The following RB1CC1 variants were observed in gnomAD, a reference collection of about 807,000 sequenced individuals.
RB1CC1 encodes RB1 inducible coiled-coil 1.
RB1CC1 carries 46 observed loss-of-function variants against 177.5 expected under a neutral mutation model. That is an observed-to-expected ratio of 0.26 (90% CI 0.20 to 0.33). RB1CC1 has a LOEUF of 0.33. RB1CC1 is among the 10% of genes least tolerant of loss of function. The pLI is 1.00. For missense variants in RB1CC1, 1,703 were observed against 1,816.3 expected (o/e 0.94, Z 1.13); for synonymous variants, 666 against 613.6 (o/e 1.09, Z -1.26).
chr8:52,681,914 G>A (rs1853775973), intron 5 of RB1CC1, among the ~76,000 whole-genome samples: 1 of 152,246 alleles, frequency 6.6e-6, no homozygotes, highest in South Asian at 2.1e-4. Flanking sequence ...TGTTAGGGCA[G>A]TGTAGAAGGA....
chr8:52,703,753 T>C (rs1408529204), intron 1 of RB1CC1, among the ~76,000 whole-genome samples: 4 of 152,204 alleles, frequency 2.6e-5, no homozygotes, highest in African/African-American at 9.7e-5. Context: ...TCGCCCAAGC[T>C]GTATTGCAAA....
intron 15 of RB1CC1, among the ~76,000 whole-genome samples, chr8:52,647,709 A>C (rs1448132120): frequency 6.6e-6 from 1 of 152,294 alleles, no homozygotes; most frequent in East Asian, 1.9e-4. Context: ...AAATCAAGAG[A>C]GCACTGAGGT....
intron 12 of RB1CC1, among the ~76,000 whole-genome samples, chr8:52,660,335 C>G (rs1039402326): frequency 6.6e-6 from 1 of 152,030 alleles, no homozygotes; most frequent in African/African-American, 2.4e-5. Context: ...ACAAAAAAAC[C>G]AAGTGAATCT....
At chr8:52,628,818 T>G (rs1848566058) in intron 21 of RB1CC1, among the ~76,000 whole-genome samples, 1 of 152,228 alleles carries the variant, frequency 6.6e-6, no homozygotes, top group Non-Finnish European at 1.5e-5. Context: ...CAATCTCATA[T>G]TTTTCAGTTG....
intron 16 of RB1CC1, among the ~76,000 whole-genome samples, chr8:52,643,409 A>G (rs1250752508): frequency 6.6e-6 from 1 of 152,186 alleles, no homozygotes; most frequent in African/African-American, 2.4e-5. Flanking sequence ...CTGTATAAAA[A>G]TTTTGCTTAG....
chr8:52,710,354 G>A (rs974902211), intron 1 of RB1CC1, among the ~76,000 whole-genome samples: 3 of 152,150 alleles, frequency 2.0e-5, no homozygotes, highest in Non-Finnish European at 2.9e-5. Flanking sequence ...CATTTAGAAA[G>A]GTAGTGCCCA....
At chr8:52,689,126 A>T (rs1383315060) in intron 1 of RB1CC1, among the ~76,000 whole-genome samples, 1 of 152,124 alleles carries the variant, frequency 6.6e-6, no homozygotes, top group Non-Finnish European at 1.5e-5. Flanking sequence ...CAACAAATCC[A>T]AATCAATCTC....
At chr8:52,679,687 T>C (rs1853515500) in intron 5 of RB1CC1, among the ~76,000 whole-genome samples, 2 of 152,160 alleles carry the variant, frequency 1.3e-5, no homozygotes, top group Admixed American at 1.3e-4. Context: ...ATTTTCTAAA[T>C]TGATTGTGAC....
chr8:52,661,627 AATC>A lies in RB1CC1; in HGVS notation c.1263_1265del (p.Met421del), dbSNP rs1563399314. 1 of 1,612,970 alleles carries A rather than the reference AATC, an allele frequency of 6.2e-7. No individual in the cohort carries two copies. On this transcript the variant is annotated inframe_deletion, in exon 9 of 24. Coordinates refer to ENST00000025008, the MANE Select transcript of RB1CC1 (RefSeq NM_014781.5). The stretch of plus-strand genomic sequence containing the variant: ...ACAGTTTTCTATGATTTTGCAACAT[AATC>A]ATCAACTGATTTGCGTGACTCAGGC...
intron 8 of RB1CC1, among the ~76,000 whole-genome samples, chr8:52,665,682 G>A (rs928917692): frequency 1.3e-5 from 2 of 152,174 alleles, no homozygotes; most frequent in African/African-American, 4.8e-5. Flanking sequence ...AGCCTGTAAT[G>A]TCAACAAGCT....
chr8:52,657,444 A>C lies in RB1CC1; in HGVS notation c.2385T>G (p.Asn795Lys), dbSNP rs755162800. Reference protein sequence around the residue: ...KEDFGDHTSLNVQLERCRVVA... With the variant: ...KEDFGDHTSLKVQLERCRVVA... ...CAACTCTACATCTTTCCAACTGGAC[A>C]TTCAGAGAAGTATGATCTCCAAAAT... is the stretch of plus-strand genomic sequence containing the variant. Residue 795 changes from asparagine (N) to lysine (K), a missense_variant, in exon 15 of 24, where the codon AAT (asparagine) becomes AAG (lysine). By Grantham distance (94) the Asn-to-Lys change is moderately conservative. This residue lies in a region of RB1CC1 where 1,169 missense variants were observed against 1,184.7 expected (regional missense o/e 0.99). Coordinates refer to ENST00000025008, the MANE Select transcript of RB1CC1 (RefSeq NM_014781.5). 1 of 1,613,782 alleles carries C rather than the reference A, an allele frequency of 6.2e-7. No individual in the cohort carries two copies. The highest frequency in any genetic ancestry group is 8.5e-7 in the Non-Finnish European group (1 of 1,180,010).
chr8:52,624,185 TA>T (rs1440854055), intron 23 of RB1CC1, among the ~76,000 whole-genome samples: 1 of 151,870 alleles, frequency 6.6e-6, no homozygotes, highest in East Asian at 1.9e-4. Context: ...GAAACCTCAA[TA>T]CTATATGGTT....
At chr8:52,704,660 C>T (rs1313681398) in intron 1 of RB1CC1, among the ~76,000 whole-genome samples, 1 of 151,778 alleles carries the variant, frequency 6.6e-6, no homozygotes, top group African/African-American at 2.4e-5. Context: ...GTACATGTAC[C>T]CCTAATTTAC....
intron 18 of RB1CC1, among the ~76,000 whole-genome samples, chr8:52,639,755 A>ACTC (rs2150403024): frequency 2.0e-5 from 3 of 152,248 alleles, no homozygotes; most frequent in African/African-American, 4.8e-5. Context: ...ATCAGTGAGT[A>ACTC]TGGTTAGGTA....
chr8:52,700,821 C>G (rs1012119043), intron 1 of RB1CC1, among the ~76,000 whole-genome samples: 4 of 152,170 alleles, frequency 2.6e-5, no homozygotes, highest in Non-Finnish European at 5.9e-5. Context: ...AACATCTAAC[C>G]AATATAAAGG....
Position 52,649,525 on chromosome 8 carries a change from G to A in RB1CC1, c.3822-3658C>T, listed in dbSNP as rs1446984688. On this transcript the variant is annotated intron_variant, in intron 15 of 23. Transcript: ENST00000025008. ...GGGCCTAGTAAACAATTAGTTCACT[G>A]TTTTTTCAAAAAAATCTCTTCTATC... Among the ~76,000 whole-genome samples, 4 of 152,096 alleles carry A rather than the reference G, an allele frequency of 2.6e-5. No individual in the cohort carries two copies. The East Asian group carries it at 5.8e-4, about 22-fold the overall frequency.
chr8:52,675,642 G>A (rs566858571), intron 6 of RB1CC1, among the ~76,000 whole-genome samples: 28 of 151,338 alleles, frequency 1.9e-4, no homozygotes, highest in Non-Finnish European at 2.8e-4. Context: ...AGGCCAAGGC[G>A]GGTGGATCAT....
intron 14 of RB1CC1, 44 bp downstream of exon 14, chr8:52,657,954 A>G (rs1332789407): frequency 1.2e-6 from 2 of 1,613,142 alleles, no homozygotes; most frequent in African/African-American, 1.3e-5. Flanking sequence ...GAACACAAAC[A>G]TTTTACACTA....
intron 20 of RB1CC1, among the ~76,000 whole-genome samples, chr8:52,631,726 TCA>T (rs1848773916): frequency 6.6e-6 from 1 of 152,216 alleles, no homozygotes; most frequent in Non-Finnish European, 1.5e-5. Flanking sequence ...TCGGGAAAAT[TCA>T]CCACAGCGTG....
Sources: gnomAD v4.1 joint callset for allele counts (sites outside exome capture counted in the v4.1 genomes callset) on GRCh38, gnomAD v4.1.1 for gene constraint, gnomAD v4.1.1 regional missense constraint, MANE v1.5 for transcripts, NCBI Gene and HGNC (gene_info 2026-07-23, HGNC 2026-07-21) for gene names.